The following ST8SIA6 variants were observed in gnomAD, a reference collection of about 807,000 sequenced individuals.
ST8SIA6 encodes alpha-2,8-sialyltransferase 8F.
ST8SIA6 carries 39 observed loss-of-function variants against 33.6 expected under a neutral mutation model. The observed-to-expected ratio is 1.16, with a 90% CI of 0.90 to 1.52. The LOEUF is 1.52. Among genes scored for constraint, ST8SIA6 ranks in the 40% most tolerant of loss-of-function variants. The pLI, the probability that ST8SIA6 is intolerant of heterozygous loss-of-function variation, is 0.00. For synonymous variants in ST8SIA6, 172 were observed against 167.2 expected (o/e 1.03, Z -0.22); for missense variants, 441 against 443.8 (o/e 0.99, Z 0.06).
rs149541668 is a variant in ST8SIA6, at chr10:17,331,464, C to A, written c.466G>T (p.Val156Leu). 1.7e-5 allele frequency: 28 copies of A among 1,613,298 alleles called. No homozygotes were observed. Among genetic ancestry groups the A allele is most frequent in the Non-Finnish European group, 2.3e-5 (27 of 1,179,760 alleles). ...ATTGGGATTTCTTTTTTGCTTTCCA[C>A]CTCGTAACTCATATTAGTCCCAACT... ...TPVGTNMSYE[V>L]ESKKEIPIKK... is the part of the protein sequence containing the mutation. Residue 156 changes from valine to leucine, a missense_variant, in exon 5 of 8, where the codon GTG becomes TTG. Coordinates refer to ENST00000377602, the MANE Select transcript of ST8SIA6 (RefSeq NM_001004470.3).
chr10:17,383,400 T>C (rs1446118708), intron 3 of ST8SIA6, among the ~76,000 whole-genome samples: 1 of 152,230 alleles, frequency 6.6e-6, no homozygotes, highest in Non-Finnish European at 1.5e-5. Flanking sequence ...TTCTTAGGGC[T>C]GTATTTGTAT....
intron 2 of ST8SIA6, among the ~76,000 whole-genome samples, chr10:17,431,969 G>C (rs1462180189): frequency 6.6e-6 from 1 of 152,180 alleles, no homozygotes; most frequent in Non-Finnish European, 1.5e-5. Flanking sequence ...GGAAAGTAGG[G>C]ATAGGAGTGG....
At chr10:17,416,388 G>C (rs961783899) in intron 2 of ST8SIA6, among the ~76,000 whole-genome samples, 1 of 152,186 alleles carries the variant, frequency 6.6e-6, no homozygotes, top group African/African-American at 2.4e-5. Context: ...CACCCAGATT[G>C]ATATGTGCAG....
chr10:17,428,723 G>C (rs1852010526), intron 2 of ST8SIA6, among the ~76,000 whole-genome samples: 1 of 152,160 alleles, frequency 6.6e-6, no homozygotes, highest in African/African-American at 2.4e-5. Context: ...TAGAAAAGGG[G>C]ACAGGAAGGT....
intron 2 of ST8SIA6, among the ~76,000 whole-genome samples, chr10:17,425,697 T>TAGGAAGGAGGAAGGAAGGGAAGGA (rs200904416): frequency 4.8e-5 from 5 of 104,792 alleles, no homozygotes; most frequent in East Asian, 4.8e-4. Flanking sequence ...GAAGGAAAGG[T>TAGGAAGGAGGAAGGAAGGGAAGGA]AGGAAGGAGG....
intron 2 of ST8SIA6, among the ~76,000 whole-genome samples, chr10:17,398,844 A>T (rs1464952124): frequency 1.3e-5 from 2 of 152,132 alleles, no homozygotes; most frequent in African/African-American, 4.8e-5. Context: ...TAACAGGCTG[A>T]CCTGCCCCTG....
chr10:17,427,642 C>G (rs1240182251), intron 2 of ST8SIA6, among the ~76,000 whole-genome samples: 1 of 152,226 alleles, frequency 6.6e-6, no homozygotes, highest in African/African-American at 2.4e-5. Flanking sequence ...CAAGTGAAAA[C>G]AAGAACTTGA....
Position 17,321,209 on chromosome 10 carries a change from T to C in ST8SIA6, c.866A>G (p.Glu289Gly), listed in dbSNP as rs776088970. The C allele has an allele frequency of 6.2e-7, 1 of 1,614,008 alleles. No individual in the cohort carries two copies. Among genetic ancestry groups the C allele is most frequent in the Non-Finnish European group, 8.5e-7 (1 of 1,180,004 alleles). The change falls in exon 8 of 8, where the codon GAG becomes GGG. Residue 289 changes from glutamate (E) to glycine (G), a missense_variant. By Grantham distance (98) the Glu-to-Gly change is moderately conservative. Coordinates refer to ENST00000377602, the MANE Select transcript of ST8SIA6 (RefSeq NM_001004470.3). ...TAGAACCTTTTGTCTTGCTTTAGAC[T>C]CTTCGAGCGTGTAGTATACTTTGAA... ...TSFKVYYTLE[E>G]SKARQKVLFF... is the part of the protein sequence containing the mutation.
At chr10:17,374,606 T>C (rs1849838024) in intron 3 of ST8SIA6, among the ~76,000 whole-genome samples, 1 of 151,450 alleles carries the variant, frequency 6.6e-6, no homozygotes. Context: ...ACCAGCTTCT[T>C]GGGAGGCGGA....
intron 5 of ST8SIA6, among the ~76,000 whole-genome samples, chr10:17,329,371 T>A (rs918204893): frequency 2.0e-5 from 3 of 152,118 alleles, no homozygotes; most frequent in Non-Finnish European, 4.4e-5. Flanking sequence ...CACTACACAT[T>A]ATCGTTTCTT....
chr10:17,365,406 C>T (rs1309695695), intron 3 of ST8SIA6, among the ~76,000 whole-genome samples: 1 of 152,154 alleles, frequency 6.6e-6, no homozygotes, highest in African/African-American at 2.4e-5. Flanking sequence ...GTTTCATCCT[C>T]TTCAGTTCCA....
rs1423272276 is a variant in ST8SIA6 at position 17,320,812 on chromosome 10, G to A, written c.*66C>T. ...ATACTCTTTAGCCACCTCCTTTGGT[G>A]TTTGGAGACATTGTTAATCACCTAC... On this transcript the variant is annotated 3_prime_UTR_variant, in exon 8 of 8. Transcript: ENST00000377602. 5 of 1,534,356 alleles carry A rather than the reference G, an allele frequency of 3.3e-6. No homozygotes were observed. Among genetic ancestry groups the A allele is most frequent in the Middle Eastern group, 1.7e-4 (1 of 5,716 alleles).
intron 2 of ST8SIA6, among the ~76,000 whole-genome samples, chr10:17,440,785 G>A (rs573068319): frequency 6.6e-6 from 1 of 152,242 alleles, no homozygotes; most frequent in South Asian, 2.1e-4. Flanking sequence ...CGGTGGCATT[G>A]CTACAAAAGT....
intron 3 of ST8SIA6, among the ~76,000 whole-genome samples, chr10:17,386,198 CACAT>C (rs991441969): frequency 6.1e-5 from 9 of 148,280 alleles, no homozygotes; most frequent in South Asian, 2.2e-4. Flanking sequence ...CACACACACA[CACAT>C]ACACACAGGC....
intron 2 of ST8SIA6, among the ~76,000 whole-genome samples, chr10:17,448,110 G>T (rs1163063223): frequency 6.6e-6 from 1 of 152,070 alleles, no homozygotes; most frequent in Non-Finnish European, 1.5e-5. Context: ...CTAGTTTGAG[G>T]ATTTCTAATT....
intron 4 of ST8SIA6, among the ~76,000 whole-genome samples, chr10:17,356,829 CAGATTCTAT>C (rs753768041): frequency 8.7e-4 from 133 of 152,162 alleles, no homozygotes; most frequent in Non-Finnish European, 2.5e-4. Flanking sequence ...GCCATCTATA[CAGATTCTAT>C]ACCTCATAAT....
At chr10:17,408,953 T>A (rs1362341864) in intron 2 of ST8SIA6, among the ~76,000 whole-genome samples, 3 of 150,938 alleles carry the variant, frequency 2.0e-5, no homozygotes, top group Non-Finnish European at 4.4e-5. Flanking sequence ...TTTTTTTTTT[T>A]TGTATTTTTA....
At chr10:17,387,949 A>G (rs538644243) in intron 3 of ST8SIA6, among the ~76,000 whole-genome samples, 4 of 152,318 alleles carry the variant, frequency 2.6e-5, no homozygotes, top group African/African-American at 7.2e-5. Flanking sequence ...AAGGCTTTCA[A>G]TGGTTCATTT....
chr10:17,343,592 A>G (rs1187444051), intron 4 of ST8SIA6, among the ~76,000 whole-genome samples: 2 of 152,188 alleles, frequency 1.3e-5, no homozygotes, highest in Non-Finnish European at 2.9e-5. Flanking sequence ...AGAGGAGGAA[A>G]GAAAAGTAAT....
Sources: allele counts gnomAD v4.1 joint callset (sites outside exome capture counted in the v4.1 genomes callset), GRCh38; gene constraint gnomAD v4.1.1; transcripts MANE v1.5; gene names NCBI Gene and HGNC (gene_info 2026-07-23, HGNC 2026-07-21).